GPC6: variants seen among roughly 807,000 people sequenced by gnomAD.
The protein encoded by GPC6 is glypican 6, also known as glypican-6.
GPC6 carries 14 observed loss-of-function variants against 55.2 expected under a neutral mutation model. The observed-to-expected ratio is 0.25, with a 90% CI of 0.17 to 0.40. The LOEUF is 0.40. Ranked by LOEUF, GPC6 falls within the 10% of genes least tolerant of loss-of-function variation. The pLI is 1.00. For missense variants in GPC6, 641 were observed against 708.5 expected (o/e 0.90, Z 1.08); for synonymous variants, 278 against 259.6 (o/e 1.07, Z -0.68).
intron 1 of GPC6, among the ~76,000 whole-genome samples, chr13:93,294,711 T>G (rs1878425587): frequency 6.6e-6 from 1 of 152,128 alleles, no homozygotes; most frequent in Non-Finnish European, 1.5e-5. Context: ...CCCAGTCAGT[T>G]TTCTATGTTT....
chr13:94,133,284 A>C (rs1226610529), intron 4 of GPC6, among the ~76,000 whole-genome samples: 5 of 151,590 alleles, frequency 3.3e-5, no homozygotes, highest in Non-Finnish European at 5.9e-5. Flanking sequence ...AAAAAAAAAA[A>C]AAAAAAAACC....
chr13:94,269,245 A>C (rs1891915233), intron 4 of GPC6, among the ~76,000 whole-genome samples: 1 of 152,072 alleles, frequency 6.6e-6, no homozygotes, highest in African/African-American at 2.4e-5. Flanking sequence ...ATCTTTTATT[A>C]TTGTCTCCTC....
In GPC6 at chr13:93,945,287, TG is replaced by T. The variant is rs1204793398; in HGVS notation, c.712-82441del. On this transcript the variant is annotated intron_variant, in intron 3 of 8. Transcript: ENST00000377047. ...ATATAGTCAATTGATTGTCATAGAA[TG>T]TATTCGTGGATGTAAAAGGAGACTT... Among the ~76,000 whole-genome samples, 22 of 152,368 alleles carry T rather than the reference TG, an allele frequency of 1.4e-4. No individual in the cohort carries two copies. The East Asian group carries it at 2.3e-3, about 16-fold the overall frequency.
At chr13:93,406,401 T>G (rs555902429) in intron 1 of GPC6, among the ~76,000 whole-genome samples, 14 of 152,258 alleles carry the variant, frequency 9.2e-5, no homozygotes, top group African/African-American at 3.4e-4. Context: ...GGATGGAAAA[T>G]TCAGGATTTC....
At chr13:93,757,113 C>G (rs1035494314) in intron 2 of GPC6, among the ~76,000 whole-genome samples, 22 of 152,120 alleles carry the variant, frequency 1.4e-4, no homozygotes, top group African/African-American at 4.3e-4. Context: ...AAATAATTCC[C>G]CACATGGAAA....
chr13:94,069,884 C>T (rs1487943970), intron 4 of GPC6, among the ~76,000 whole-genome samples: 4 of 152,138 alleles, frequency 2.6e-5, no homozygotes, highest in Admixed American at 1.3e-4. Context: ...AACTTTCCCA[C>T]GTTTTTCTGT....
intron 2 of GPC6, among the ~76,000 whole-genome samples, chr13:93,764,073 A>G (rs917067495): frequency 6.6e-6 from 1 of 152,094 alleles, no homozygotes; most frequent in African/African-American, 2.4e-5. Flanking sequence ...CTAAGCACCT[A>G]AAGCCCAACT....
Position 94,143,459 on chromosome 13 carries a change from T to C in GPC6, c.877+115565T>C, listed in dbSNP as rs139712789. 2.1e-3 allele frequency among the ~76,000 whole-genome samples: 327 copies of C among 152,344 alleles called. 3 individuals are homozygous for C. The highest frequency in any genetic ancestry group is 1.4e-3 in the East Asian group (7 of 5,184). ...AGATTTTTAATATGATAGTCAAAAA[T>C]CATATTAAATTTTTTGTCACTCTTT... On this transcript the variant is annotated intron_variant, in intron 4 of 8. Transcript: ENST00000377047.
intron 3 of GPC6, among the ~76,000 whole-genome samples, chr13:93,910,822 T>G (rs929730936): frequency 1.3e-5 from 2 of 152,186 alleles, no homozygotes; most frequent in Non-Finnish European, 2.9e-5. Flanking sequence ...TTCAGAATAT[T>G]TATTTGTTTT....
intron 4 of GPC6, among the ~76,000 whole-genome samples, chr13:94,055,064 C>A (rs1474354051): frequency 6.6e-6 from 1 of 152,174 alleles, no homozygotes; most frequent in Non-Finnish European, 1.5e-5. Flanking sequence ...CATATGCCAG[C>A]TTTATTCTCG....
intron 1 of GPC6, among the ~76,000 whole-genome samples, chr13:93,484,572 C>A (rs1166455512): frequency 6.6e-6 from 1 of 151,962 alleles, no homozygotes; most frequent in Non-Finnish European, 1.5e-5. Context: ...ACCATTTTCT[C>A]TTTTTTGCAG....
chr13:93,370,248 A>G (rs1187062700), intron 1 of GPC6, among the ~76,000 whole-genome samples: 1 of 152,160 alleles, frequency 6.6e-6, no homozygotes, highest in Non-Finnish European at 1.5e-5. Context: ...CTATCTGGAA[A>G]TGTTAAAAAT....
intron 1 of GPC6, among the ~76,000 whole-genome samples, chr13:93,485,506 A>G (rs1879672714): frequency 6.6e-6 from 1 of 152,102 alleles, no homozygotes; most frequent in African/African-American, 2.4e-5. Context: ...TGTTTATGCT[A>G]TTTACTTCAT....
At chr13:94,218,184 G>T (rs562198787) in intron 4 of GPC6, among the ~76,000 whole-genome samples, 97 of 152,252 alleles carry the variant, frequency 6.4e-4, no homozygotes, top group African/African-American at 2.2e-3. Flanking sequence ...ATAAGATCAA[G>T]CAACCCTTCT....
At chr13:93,733,124 A>G (rs889857366) in intron 2 of GPC6, among the ~76,000 whole-genome samples, 1 of 152,076 alleles carries the variant, frequency 6.6e-6, no homozygotes, top group South Asian at 2.1e-4. Context: ...TTTCAGGACT[A>G]TACTCTTTAA....
At chr13:94,109,908 CAGACCTTAG>C (rs1886181138) in intron 4 of GPC6, among the ~76,000 whole-genome samples, 1 of 151,962 alleles carries the variant, frequency 6.6e-6, no homozygotes, top group Non-Finnish European at 1.5e-5. Flanking sequence ...GCTCCATCAA[CAGACCTTAG>C]TGTCATTGTT....
intron 7 of GPC6, among the ~76,000 whole-genome samples, chr13:94,386,445 C>G (rs2139212748): frequency 6.6e-6 from 1 of 151,456 alleles, no homozygotes; most frequent in East Asian, 1.9e-4. Context: ...ATTAAAGTAG[C>G]TAGGCATGGT....
At chr13:93,330,230 G>T (rs1478810372) in intron 1 of GPC6, among the ~76,000 whole-genome samples, 3 of 152,264 alleles carry the variant, frequency 2.0e-5, no homozygotes, top group East Asian at 3.9e-4. Flanking sequence ...TAGTGATCAT[G>T]AAAAATGCTC....
chr13:93,354,351 T>TTTTTTTTTA (rs1880753246), intron 1 of GPC6, among the ~76,000 whole-genome samples: 1 of 130,246 alleles, frequency 7.7e-6, no homozygotes, highest in African/African-American at 3.0e-5. Flanking sequence ...GTTGGTAGAT[T>TTTTTTTTTA]TTTTTTTTTT....
Sources: gnomAD v4.1 joint callset for allele counts (sites outside exome capture counted in the v4.1 genomes callset) on GRCh38, gnomAD v4.1.1 for gene constraint, MANE v1.5 for transcripts, NCBI Gene and HGNC (gene_info 2026-07-23, HGNC 2026-07-21) for gene names.